MACROD2: variants seen among roughly 807,000 people sequenced by gnomAD.
MACROD2 encodes the protein ADP-ribose glycohydrolase MACROD2.
MACROD2 carries 36 observed loss-of-function variants against 70.4 expected under a neutral mutation model. The ratio of observed to expected loss-of-function variants is 0.51; its 90% CI spans 0.39 to 0.68. The LOEUF is 0.68. MACROD2 is among the 30% of genes least tolerant of loss of function. The pLI, the probability that MACROD2 is intolerant of heterozygous loss-of-function variation, is 0.00. For missense variants in MACROD2, 496 were observed against 538.4 expected, an observed-to-expected ratio of 0.92 and a Z score of 0.78; for synonymous variants, 172 against 178.8, an observed-to-expected ratio of 0.96 and a Z score of 0.30.
intron 8 of MACROD2, among the ~76,000 whole-genome samples, chr20:15,717,575 A>C (rs968642059): frequency 6.6e-6 from 1 of 152,240 alleles, no homozygotes; most frequent in Non-Finnish European, 1.5e-5. Flanking sequence ...AGAACAAAAC[A>C]GGGATGTGAG....
At chr20:15,394,339 G>C (rs941557001) in intron 6 of MACROD2, among the ~76,000 whole-genome samples, 1 of 152,174 alleles carries the variant, frequency 6.6e-6, no homozygotes, top group Admixed American at 6.5e-5. Context: ...CAGTGGCTTA[G>C]TCCTCTTGTA....
intron 15 of MACROD2, among the ~76,000 whole-genome samples, chr20:15,997,121 T>G (rs758239654): frequency 6.6e-6 from 1 of 152,204 alleles, no homozygotes; most frequent in African/African-American, 2.4e-5. Context: ...AAATGTAGTT[T>G]GAAATCAGTA....
chr20:14,214,010 C>A (rs967601542), intron 3 of MACROD2, among the ~76,000 whole-genome samples: 3 of 151,998 alleles, frequency 2.0e-5, no homozygotes, highest in African/African-American at 7.2e-5. Flanking sequence ...ACTTGCCTTG[C>A]TTATCTTAAG....
intron 5 of MACROD2, among the ~76,000 whole-genome samples, chr20:14,777,634 T>G (rs1346795364): frequency 2.6e-5 from 4 of 151,568 alleles, no homozygotes; most frequent in African/African-American, 9.7e-5. Context: ...TGGGCTAGAG[T>G]GGCGCCAGAG....
intron 4 of MACROD2, chr20:14,523,513 G>A (rs2085194608): frequency 2.0e-5 from 3 of 152,150 alleles, no homozygotes; most frequent in Admixed American, 2.0e-4. Flanking sequence ...CAGGAGATTG[G>A]GGACTCAACT....
intron 5 of MACROD2, among the ~76,000 whole-genome samples, chr20:14,916,274 T>G (rs1462065822): frequency 1.3e-5 from 2 of 152,024 alleles, no homozygotes; most frequent in Non-Finnish European, 2.9e-5. Context: ...CCTTTTACAC[T>G]CCCTCTAGAA....
intron 5 of MACROD2, among the ~76,000 whole-genome samples, chr20:15,194,295 A>G (rs1429273052): frequency 6.8e-6 from 1 of 148,048 alleles, no homozygotes; most frequent in Non-Finnish European, 1.5e-5. Context: ...TCAGTCAGGT[A>G]AAGCTAGATA....
Position 16,041,273 on chromosome 20 carries a change from C to T in MACROD2, c.1226C>T (p.Pro409Leu). The T allele has an allele frequency of 6.2e-7, 1 of 1,611,224 alleles. No homozygotes were observed. The highest frequency in any genetic ancestry group is 8.5e-7 in the Non-Finnish European group (1 of 1,178,314). ...GSSDLENTPG[P>L]DVEMNSQVDK... ...AGTGACCTAGAAAATACTCCAGGTC[C>T]TGATGGTAAGGTTCTGAGCTATTGG... Residue 409 changes from proline (P) to leucine (L), a missense_variant, in exon 16 of 18, where the codon CCT (proline) becomes CTT (leucine). Pro to Leu is a moderately conservative substitution (Grantham distance 98). Coordinates refer to ENST00000684519, the MANE Select transcript of MACROD2 (RefSeq NM_001351661.2).
chr20:14,909,912 A>G (rs775534419), intron 5 of MACROD2, among the ~76,000 whole-genome samples: 9 of 152,176 alleles, frequency 5.9e-5, no homozygotes, highest in Admixed American at 2.6e-4. Flanking sequence ...AATTTCTTGA[A>G]CTAACTGCCT....
intron 5 of MACROD2, chr20:14,929,559 A>T (rs920204115): frequency 4.6e-5 from 7 of 152,138 alleles, no homozygotes; most frequent in African/African-American, 1.7e-4. Flanking sequence ...GGGTTCCATT[A>T]CATAGGTGTG....
At chr20:14,857,768 C>A (rs1029288298) in intron 5 of MACROD2, among the ~76,000 whole-genome samples, 2 of 151,168 alleles carry the variant, frequency 1.3e-5, no homozygotes, top group Non-Finnish European at 2.9e-5. Flanking sequence ...CAATTAATAC[C>A]TTTGTGGAGT....
chr20:15,235,764 C>T (rs528758664), intron 6 of MACROD2, among the ~76,000 whole-genome samples: 4 of 152,284 alleles, frequency 2.6e-5, no homozygotes, highest in South Asian at 4.1e-4. Context: ...TTCAAGAACA[C>T]GTCTGCAGCC....
At chr20:14,431,996 A>C (rs1011435536) in intron 3 of MACROD2, among the ~76,000 whole-genome samples, 2 of 152,198 alleles carry the variant, frequency 1.3e-5, no homozygotes, top group African/African-American at 4.8e-5. Flanking sequence ...CATGCTGACT[A>C]TCTGTTGTAA....
chr20:15,331,927 A>G lies in MACROD2; in HGVS notation c.541-99478A>G, dbSNP rs111985574. Among the ~76,000 whole-genome samples, 94 of 151,672 alleles carry G rather than the reference A, an allele frequency of 6.2e-4. 4 individuals are homozygous for G. The highest frequency in any genetic ancestry group is 2.2e-3 in the African/African-American group (91 of 41,080). ...TTTTTTAAAATGTGTTATTCCTGCA[A>G]TAGTAGTTAAAAAGAAAATAGTATA... On this transcript the variant is annotated intron_variant, in intron 6 of 17. Coordinates refer to ENST00000684519, the MANE Select transcript of MACROD2 (RefSeq NM_001351661.2).
At chr20:15,047,789 A>G (rs1167116696) in intron 5 of MACROD2, among the ~76,000 whole-genome samples, 4 of 152,074 alleles carry the variant, frequency 2.6e-5, no homozygotes, top group Admixed American at 6.5e-5. Flanking sequence ...CTTTGCTTTC[A>G]TTGCAACGTG....
intron 6 of MACROD2, among the ~76,000 whole-genome samples, chr20:15,290,585 A>C (rs1473699817): frequency 2.0e-5 from 3 of 152,184 alleles, no homozygotes; most frequent in Admixed American, 1.3e-4. Flanking sequence ...ACATTGTAAC[A>C]ACTTCTTTTG....
In MACROD2 at chr20:14,297,392, T is replaced by C. The variant is rs184069055; in HGVS notation, c.272-196087T>C. 2.5e-3 allele frequency among the ~76,000 whole-genome samples: 381 copies of C among 152,064 alleles called. 2 individuals carry two copies. Among genetic ancestry groups the C allele is most frequent in the Non-Finnish European group, 2.6e-3 (178 of 68,018 alleles). On this transcript the variant is annotated intron_variant, in intron 3 of 17. Coordinates refer to ENST00000684519, the MANE Select transcript of MACROD2 (RefSeq NM_001351661.2). ...CTCTTGTGCCATACAGTTAGCCAAG[T>C]TGGGAATGCAAAAGAAAATTTCTTG...
intron 3 of MACROD2, among the ~76,000 whole-genome samples, chr20:14,391,940 C>T (rs2083530982): frequency 6.6e-6 from 1 of 151,078 alleles, no homozygotes; most frequent in Non-Finnish European, 1.5e-5. Flanking sequence ...ACCCATGTAA[C>T]AGATCTGCAT....
At chr20:14,511,916 C>T (rs187466270) in intron 4 of MACROD2, among the ~76,000 whole-genome samples, 32 of 150,096 alleles carry the variant, frequency 2.1e-4, no homozygotes, top group African/African-American at 7.8e-4. Flanking sequence ...CTACACCACG[C>T]AGTAAAGAAA....
Sources: allele counts gnomAD v4.1 joint callset (sites outside exome capture counted in the v4.1 genomes callset), GRCh38; gene constraint gnomAD v4.1.1; transcripts MANE v1.5; gene names NCBI Gene and HGNC (gene_info 2026-07-23, HGNC 2026-07-21).